PCNX2: variants seen among roughly 807,000 people sequenced by gnomAD.
PCNX2 encodes the protein pecanex-like protein 2.
Under a neutral mutation model 223.8 loss-of-function variants are expected in PCNX2, and 168 were observed. The ratio of observed to expected loss-of-function variants is 0.75; its 90% confidence interval spans 0.66 to 0.85. PCNX2 has a LOEUF of 0.85. Ranked by LOEUF, PCNX2 falls within the 40% of genes least tolerant of loss-of-function variation. PCNX2 has a pLI of 0.00. For missense variants in PCNX2, 2,507 were observed against 2,675.5 expected (o/e 0.94, Z 1.39); for synonymous variants, 1,006 against 1,052.6 (o/e 0.96, Z 0.86).
At chr1:233,283,158 T>C (rs1242434995) in intron 1 of PCNX2, among the ~76,000 whole-genome samples, 1 of 152,062 alleles carries the variant, frequency 6.6e-6, no homozygotes, top group Admixed American at 6.6e-5. Flanking sequence ...TGAGCTAGAG[T>C]TCTCACTGTG....
chr1:232,984,391 AGT>A lies in PCNX2; in HGVS notation c.6325_6326del (p.Thr2109SerfsTer65). ...DRCLAEAVAD[T>X]LGVVCRRASQ... ...TTGCTCTCCTGCAGACAACCCCGAG[AGT>A]GTCCGCCACAGCCTCAGCCAGACAT... On this transcript the variant is annotated frameshift_variant, in exon 34 of 34. Transcript: ENST00000258229. LOFTEE classifies it high-confidence loss of function. The A allele has an allele frequency of 6.2e-7, 1 of 1,613,384 alleles. No individual in the cohort carries two copies. The highest frequency in any genetic ancestry group is 8.5e-7 in the Non-Finnish European group (1 of 1,179,794).
At chr1:233,147,556 AGGAGCACT>A (rs1412738623) in intron 19 of PCNX2, among the ~76,000 whole-genome samples, 1 of 151,236 alleles carries the variant, frequency 6.6e-6, no homozygotes, top group Non-Finnish European at 1.5e-5. Context: ...CAGGAGAGAC[AGGAGCACT>A]AGGTATAACT....
rs1669373575 is a variant in PCNX2, at chr1:232,984,224, G to A, written c.*80C>T. On this transcript the variant is annotated 3_prime_UTR_variant, in exon 34 of 34. Transcript: ENST00000258229. ...ATGGATCGCGGTATTGGTTGGTTGT[G>A]GTGATTTGGGGAGCACGAGGGAGAG... 8 of 1,314,274 alleles carry A rather than the reference G, an allele frequency of 6.1e-6. No homozygotes were observed. The South Asian group carries it at 1.2e-4, about 20-fold the overall frequency. 81.4% of individuals were successfully genotyped at this position (1,314,274 alleles called of 1,614,324 possible). A position where few individuals can be genotyped will look rare whatever the true frequency, so the allele number is the denominator to read the frequency against.
At chr1:233,041,095 T>C (rs553031366) in intron 25 of PCNX2, among the ~76,000 whole-genome samples, 14 of 152,146 alleles carry the variant, frequency 9.2e-5, no homozygotes, top group Non-Finnish European at 1.8e-4. Flanking sequence ...CAACCTTACA[T>C]ATTAAATACA....
chr1:233,019,121 A>G, intron 26 of PCNX2: 4 of 985,390 alleles, frequency 4.1e-6, no homozygotes, highest in Non-Finnish European at 4.8e-6. Context: ...GTGAAGAGAC[A>G]GTCTGTGATT....
At chr1:233,325,504 A>AG in the PCNX2 span, among the ~76,000 whole-genome samples, 6 of 149,778 alleles carry the variant, frequency 4.0e-5, no homozygotes, top group Non-Finnish European at 7.4e-5. Context: ...TAAAAATACA[A>AG]AAAAAAAAAA....
Position 233,060,876 on chromosome 1 carries a change from T to G in PCNX2, c.4077-3586A>C, listed in dbSNP as rs188811497. Among the ~76,000 whole-genome samples, 1,271 of 152,292 alleles carry G rather than the reference T, an allele frequency of 8.3e-3. 28 individuals carry two copies. The highest frequency in any genetic ancestry group is 0.052 in the Admixed American group (789 of 15,288). ...AACAGGACTCTCCAGAGAAGCGGAC[T>G]TACTGAGAAGCACCCCTCTTTTATG... On this transcript the variant is annotated intron_variant, in intron 23 of 33. Coordinates refer to ENST00000258229, the MANE Select transcript of PCNX2 (RefSeq NM_014801.4).
chr1:233,018,412 T>C (rs1452568998), intron 26 of PCNX2, among the ~76,000 whole-genome samples: 1 of 152,220 alleles, frequency 6.6e-6, no homozygotes, highest in Non-Finnish European at 1.5e-5. Context: ...ACAGTGGACA[T>C]CTGTGATACA....
intron 9 of PCNX2, 73 bp from the exon 10 acceptor site, chr1:233,227,444 A>ATATG (rs1657809447): frequency 2.9e-6 from 4 of 1,357,454 alleles, no homozygotes; most frequent in Non-Finnish European, 4.0e-6. Context: ...ATATATATAT[A>ATATG]TATGTATACA....
chr1:233,091,216 T>G (rs1253227351), intron 22 of PCNX2, among the ~76,000 whole-genome samples: 1 of 152,184 alleles, frequency 6.6e-6, no homozygotes, highest in African/African-American at 2.4e-5. Context: ...ACTACAGATC[T>G]GATCTGACCT....
intron 1 of PCNX2, among the ~76,000 whole-genome samples, chr1:233,286,309 C>T (rs1203297461): frequency 3.3e-5 from 5 of 151,800 alleles, no homozygotes; most frequent in Non-Finnish European, 7.4e-5. Context: ...AGTCCCCTAC[C>T]ATTTGGGTGG....
chr1:233,167,734 T>C, intron 17 of PCNX2: 1 of 984,576 alleles, frequency 1.0e-6, no homozygotes, highest in African/African-American at 1.7e-5. Context: ...AAAAGGAATC[T>C]TGTAAAACAC....
At chr1:233,297,173 G>A (rs181638042), upstream of PCNX2, among the ~76,000 whole-genome samples, 206 of 152,272 alleles carry the variant, frequency 1.4e-3, 1 homozygote, top group African/African-American at 4.9e-3. Flanking sequence ...AAGGAGCGCC[G>A]TCACGTGCAT....
intron 23 of PCNX2, chr1:233,058,247 C>T (rs770134941): frequency 3.0e-5 from 5 of 164,300 alleles, no homozygotes; most frequent in Admixed American, 2.0e-4. Context: ...TTCAAGTAAC[C>T]ACCTATACAG....
chr1:232,986,425 C>T lies in PCNX2; in HGVS notation c.5907G>A (p.Thr1969=), dbSNP rs371436171. The T allele has an allele frequency of 1.7e-3, 2,659 of 1,606,652 alleles. 3 individuals are homozygous for T. The highest frequency in any genetic ancestry group is 4.7e-3 in the Admixed American group (279 of 59,168). The change falls in exon 33 of 34, where the codon ACG becomes ACA. Residue 1969 remains threonine, a synonymous_variant. Coordinates refer to ENST00000258229, the MANE Select transcript of PCNX2 (RefSeq NM_014801.4). ...GGGCCAGCTCGTGCACTGAGGTGGA[C>T]GTCTGGAGGAATGTTTGGCGGCTCT... is the stretch of plus-strand genomic sequence containing the variant. ...ILESRQTFLQ[T]STSVHELAQR...
At chr1:233,168,361 T>C (rs1678928135) in intron 17 of PCNX2, among the ~76,000 whole-genome samples, 1 of 152,152 alleles carries the variant, frequency 6.6e-6, no homozygotes, top group Non-Finnish European at 1.5e-5. Context: ...GCTATAATCA[T>C]TATGTATATG....
intron 28 of PCNX2, among the ~76,000 whole-genome samples, chr1:233,004,863 G>A (rs1670224771): frequency 6.6e-6 from 1 of 152,224 alleles, no homozygotes; most frequent in East Asian, 1.9e-4. Context: ...ACAGCCAGGG[G>A]CTGGTCAGGT....
rs544138364 is a variant in PCNX2, at chr1:233,243,318, A to G, written c.2223-6338T>C. Among the ~76,000 whole-genome samples, 20 of 152,358 alleles carry G rather than the reference A, an allele frequency of 1.3e-4. No homozygotes were observed. In the Middle Eastern group the frequency reaches 0.01, roughly 78 times the overall value. Reference sequence around the variant, plus strand: ...GCCGTTTAATGGCCCAGTTGGAGACAGTCCCAGCCACTGAAGTCACCTTAT... The same window carrying G: ...GCCGTTTAATGGCCCAGTTGGAGACGGTCCCAGCCACTGAAGTCACCTTAT... On this transcript the variant is annotated intron_variant, in intron 8 of 33. Coordinates refer to ENST00000258229, the MANE Select transcript of PCNX2 (RefSeq NM_014801.4).
intron 25 of PCNX2, among the ~76,000 whole-genome samples, chr1:233,045,611 A>G (rs1183966894): frequency 6.6e-6 from 1 of 152,196 alleles, no homozygotes; most frequent in Non-Finnish European, 1.5e-5. Flanking sequence ...AGAGTCAGAC[A>G]CTTTCTTTCC....
Sources: gnomAD v4.1 joint callset for allele counts (sites outside exome capture counted in the v4.1 genomes callset) on GRCh38, gnomAD v4.1.1 for gene constraint, MANE v1.5 for transcripts, NCBI Gene and HGNC (gene_info 2026-07-23, HGNC 2026-07-21) for gene names.